The following BACH1 variants were observed in gnomAD, a reference collection of about 807,000 sequenced individuals.
BACH1 encodes the protein BTB domain and CNC homolog 1.
In BACH1, 35 loss-of-function variants were observed where a neutral mutation model predicts 52.9. That is an observed-to-expected ratio of 0.66 (90% CI 0.51 to 0.88). The LOEUF (loss-of-function observed/expected upper bound fraction) is 0.88, where lower values mean the gene tolerates loss of function less well. BACH1 is among the 40% of genes least tolerant of loss of function. The pLI, the probability that BACH1 is intolerant of heterozygous loss-of-function variation, is 0.00. For synonymous variants in BACH1, 321 were observed against 319.6 expected (o/e 1.00, Z -0.05); for missense variants, 808 against 872.6 (o/e 0.93, Z 0.93).
chr21:29,356,177 G>A (rs2089233561), intron 2 of BACH1, among the ~76,000 whole-genome samples: 1 of 152,230 alleles, frequency 6.6e-6, no homozygotes, highest in South Asian at 2.1e-4. Context: ...TAGGGTATTA[G>A]TTGTATGGCT....
Position 29,326,591 on chromosome 21 carries a change from A to G in BACH1, c.767A>G (p.Asn256Ser). The change falls in exon 3 of 5, where the codon AAT becomes AGT. Residue 256 changes from asparagine (N) to serine (S), a missense_variant. By Grantham distance (46) the Asn-to-Ser change is conservative. Transcript: ENST00000286800. ...VKDIHASVQP[N>S]ERSENECLGG... ...GACATTCATGCTTCTGTTCAGCCAA[A>G]TGAAAGGTCTGAAAATGAATGCCTG... is the stretch of plus-strand genomic sequence containing the variant. 6.2e-7 allele frequency: 1 copy of G among 1,614,242 alleles called. No homozygotes were observed. Among genetic ancestry groups the G allele is most frequent in the Non-Finnish European group, 8.5e-7 (1 of 1,180,032 alleles).
intron 4 of BACH1, among the ~76,000 whole-genome samples, chr21:29,341,994 T>C (rs970639425): frequency 1.3e-5 from 2 of 152,228 alleles, no homozygotes; most frequent in African/African-American, 4.8e-5. Context: ...AAAAACCGTA[T>C]GTTTGTCACA....
chr21:29,309,983 C>G (rs570054384), intron 1 of BACH1, among the ~76,000 whole-genome samples: 3 of 152,226 alleles, frequency 2.0e-5, no homozygotes, highest in African/African-American at 7.2e-5. Context: ...ATGGGTCTTT[C>G]CTCCTCATTT....
intron 4 of BACH1, among the ~76,000 whole-genome samples, chr21:29,340,983 A>G (rs1188512722): frequency 6.6e-6 from 1 of 152,036 alleles, no homozygotes; most frequent in Admixed American, 6.5e-5. Context: ...AAAAAAAAAA[A>G]AAAAGAACTT....
intron 1 of BACH1, among the ~76,000 whole-genome samples, chr21:29,312,010 C>T (rs1384287343): frequency 3.3e-5 from 5 of 152,234 alleles, no homozygotes; most frequent in Admixed American, 2.6e-4. Flanking sequence ...GCTGTCCACC[C>T]ATAGGTATCC....
intron 1 of BACH1, among the ~76,000 whole-genome samples, chr21:29,320,613 C>G (rs2088836681): frequency 6.6e-6 from 1 of 152,158 alleles, no homozygotes; most frequent in Non-Finnish European, 1.5e-5. Flanking sequence ...TATAAAAAGA[C>G]TTACTACCAA....
At chr21:29,337,911 A>G (rs1035732989) in intron 4 of BACH1, among the ~76,000 whole-genome samples, 5 of 152,150 alleles carry the variant, frequency 3.3e-5, no homozygotes, top group African/African-American at 1.2e-4. Flanking sequence ...CCTGGGCTAC[A>G]AGAGCGAAAC....
rs867195115 is a variant in BACH1, at chr21:29,301,955, A to G, written c.-61+3002A>G. On this transcript the variant is annotated intron_variant, in intron 1 of 4. Transcript: ENST00000286800. The stretch of plus-strand genomic sequence containing the variant: ...ACCATTCAGTTAAATCTCATGTGCC[A>G]TGTGCCTTCTACACCCCTGTACTGT... 3.3e-5 allele frequency among the ~76,000 whole-genome samples: 5 copies of G among 152,258 alleles called. No homozygotes were observed. The South Asian group carries it at 8.3e-4, about 25-fold the overall frequency.
At chr21:29,305,855 A>G (rs1168603634) in intron 1 of BACH1, among the ~76,000 whole-genome samples, 1 of 152,228 alleles carries the variant, frequency 6.6e-6, no homozygotes, top group Admixed American at 6.5e-5. Context: ...TAACTTATGA[A>G]ACAAATGTTT....
intron 1 of BACH1, among the ~76,000 whole-genome samples, chr21:29,301,296 G>T (rs1319698414): frequency 1.3e-5 from 2 of 152,200 alleles, no homozygotes; most frequent in African/African-American, 4.8e-5. Flanking sequence ...TAAGCTTAAA[G>T]ATGCAGACTA....
In BACH1 at chr21:29,352,078, G is replaced by T. The variant is rs527418827; in HGVS notation, c.472+22385G>T. ...TTTTCTTTTTTTTTTTTTTTGAGAT[G>T]GAGTCTCACTTTTTTGCCCAGGCTG... is the stretch of plus-strand genomic sequence containing the variant. On this transcript the variant is annotated intron_variant, in intron 2 of 4. Coordinates refer to the BACH1 transcript ENST00000422809. Among the ~76,000 whole-genome samples the T allele has an allele frequency of 6.1e-5, 9 of 147,462 alleles. No homozygotes were observed. The South Asian group carries it at 1.7e-3, about 28-fold the overall frequency.
chr21:29,356,710 C>T (rs538385850), intron 2 of BACH1, among the ~76,000 whole-genome samples: 32 of 152,398 alleles, frequency 2.1e-4, no homozygotes, highest in Middle Eastern at 3.4e-3. Context: ...TTTCGGGCTA[C>T]GCCCTTGTTT....
chr21:29,301,205 G>A (rs888069167), intron 1 of BACH1, among the ~76,000 whole-genome samples: 2 of 152,118 alleles, frequency 1.3e-5, no homozygotes, highest in Non-Finnish European at 2.9e-5. Flanking sequence ...TAAGTATTAG[G>A]GCCTCCAAGG....
chr21:29,345,799 T>C lies in BACH1; in HGVS notation c.*2966T>C, dbSNP rs555253037. 1 of 152,756 alleles carries C rather than the reference T, an allele frequency of 6.5e-6. No individual in the cohort carries two copies. Among genetic ancestry groups the C allele is most frequent in the East Asian group, 1.9e-4 (1 of 5,186 alleles). The allele number at this position is 152,756 out of a possible 1,614,324, so 9.5% of individuals were successfully genotyped here. On this transcript the variant is annotated 3_prime_UTR_variant, in exon 5 of 5. Transcript: ENST00000286800. Reference sequence around the variant, plus strand: ...AACATCTATTTTGAATCTGTAAATATTTTAAATGTTTTATTAAGGCATGTA... The same window carrying C: ...AACATCTATTTTGAATCTGTAAATACTTTAAATGTTTTATTAAGGCATGTA...
At chr21:29,315,174 A>T (rs2088772004) in intron 1 of BACH1, among the ~76,000 whole-genome samples, 2 of 152,140 alleles carry the variant, frequency 1.3e-5, no homozygotes, top group Non-Finnish European at 1.5e-5. Context: ...GACACAGGAT[A>T]CTGTTGGATC....
chr21:29,317,482 G>A lies in BACH1; in HGVS notation c.-60-3739G>A, dbSNP rs189953677. Among the ~76,000 whole-genome samples, 4 of 152,304 alleles carry A rather than the reference G, an allele frequency of 2.6e-5. No homozygotes were observed. The East Asian group carries it at 7.7e-4, about 29-fold the overall frequency. The stretch of plus-strand genomic sequence containing the variant: ...GATAGTGGCCACAGTGTATGTGGAG[G>A]CCCTGAAATCAGTAGGAGCTTGGGG... On this transcript the variant is annotated intron_variant, in intron 1 of 4. Coordinates refer to ENST00000286800, the MANE Select transcript of BACH1 (RefSeq NM_001186.4).
chr21:29,349,600 G>GT (rs2123485658), downstream of BACH1, among the ~76,000 whole-genome samples: 1 of 152,236 alleles, frequency 6.6e-6, no homozygotes, highest in South Asian at 2.1e-4. Context: ...TGCCAGTTGG[G>GT]TTTAAGATCA....
At position 29,358,770 on chromosome 21, in the gene BACH1, A is replaced by AAAAGAAAAAG. The variant is rs1409780180; in HGVS notation, c.472+29084_472+29085insAAGAAAGAAA. 3.7e-5 allele frequency among the ~76,000 whole-genome samples: 4 copies of AAAAGAAAAAG among 108,890 alleles called. 1 individual carries two copies. Among genetic ancestry groups the AAAAGAAAAAG allele is most frequent in the Non-Finnish European group, 5.8e-5 (3 of 51,320 alleles). The allele number at this position is 108,890 out of a possible 152,430, so 71.4% of individuals were successfully genotyped here. A position where few individuals can be genotyped will look rare whatever the true frequency, so the allele number is the denominator to read the frequency against. ...AAAAGAAAAGAAAAGAAAAGAAAAG[A>AAAAGAAAAAG]AAAGAAAGAAAGAAAGAAAGAAAGA... On this transcript the variant is annotated intron_variant, in intron 2 of 4. Transcript: ENST00000422809.
intron 4 of BACH1, among the ~76,000 whole-genome samples, chr21:29,333,941 A>C (rs2089014223): frequency 6.6e-6 from 1 of 152,140 alleles, no homozygotes; most frequent in Non-Finnish European, 1.5e-5. Flanking sequence ...GTGTTTATTT[A>C]TTTGGTGGAA....
Sources: gnomAD v4.1 joint callset for allele counts (sites outside exome capture counted in the v4.1 genomes callset) on GRCh38, gnomAD v4.1.1 for gene constraint, MANE v1.5 for transcripts, NCBI Gene and HGNC (gene_info 2026-07-23, HGNC 2026-07-21) for gene names.